SFMBT2: variants seen among roughly 807,000 people sequenced by gnomAD.
SFMBT2 encodes Scm like with four mbt domains 2, also known as scm-like with four MBT domains protein 2.
A neutral mutation model predicts 110.1 loss-of-function variants in SFMBT2; 38 were observed. The ratio of observed to expected loss-of-function variants is 0.35; its 90% CI spans 0.27 to 0.45. The LOEUF is 0.45. SFMBT2 is among the 20% of genes least tolerant of loss of function. The pLI, the probability that SFMBT2 is intolerant of heterozygous loss-of-function variation, is 1.00. For synonymous variants in SFMBT2, 425 were observed against 425.4 expected, an observed-to-expected ratio of 1.00 and a Z score of 0.01; for missense variants, 1,011 against 1,094.9, an observed-to-expected ratio of 0.92 and a Z score of 1.08.
chr10:7,394,323 C>CA (rs1408875401), intron 1 of SFMBT2, among the ~76,000 whole-genome samples: 1 of 151,868 alleles, frequency 6.6e-6, no homozygotes, highest in South Asian at 2.1e-4. Flanking sequence ...CGTCGATGCC[C>CA]ACCCCTAAAA....
At chr10:7,209,857 A>G (rs1829627269) in intron 11 of SFMBT2, among the ~76,000 whole-genome samples, 1 of 152,212 alleles carries the variant, frequency 6.6e-6, no homozygotes, top group Non-Finnish European at 1.5e-5. Flanking sequence ...TTTGCAACCA[A>G]GGCCTCCACA....
At chr10:7,380,707 T>C (rs1845395265) in intron 2 of SFMBT2, among the ~76,000 whole-genome samples, 1 of 152,134 alleles carries the variant, frequency 6.6e-6, no homozygotes, top group South Asian at 2.1e-4. Context: ...TGTAAGTATT[T>C]AGAAAAAGAT....
At chr10:7,222,105 T>C (rs1187619601) in intron 10 of SFMBT2, among the ~76,000 whole-genome samples, 1 of 152,276 alleles carries the variant, frequency 6.6e-6, no homozygotes, top group Non-Finnish European at 1.5e-5. Context: ...ACTCAATATC[T>C]GTAGCCTTTC....
intron 4 of SFMBT2, among the ~76,000 whole-genome samples, chr10:7,308,206 T>A (rs981867361): frequency 1.3e-5 from 2 of 151,924 alleles, no homozygotes; most frequent in Non-Finnish European, 2.9e-5. Context: ...ACATTTTTTT[T>A]AAATTAGCCA....
intron 2 of SFMBT2, 86 bp downstream of exon 2, chr10:7,381,713 G>C: frequency 7.2e-7 from 1 of 1,388,212 alleles, no homozygotes; most frequent in Non-Finnish European, 1.0e-6. Context: ...ATCTACAAAT[G>C]TTGCCCCATT....
At chr10:7,411,180 A>G (rs1177197100), upstream of SFMBT2, among the ~76,000 whole-genome samples, 1 of 146,084 alleles carries the variant, frequency 6.8e-6, no homozygotes, top group Admixed American at 6.9e-5. Context: ...AAATTTCTTA[A>G]GCCAATTAGC....
intron 7 of SFMBT2, among the ~76,000 whole-genome samples, chr10:7,275,767 G>A (rs527631537): frequency 6.6e-6 from 1 of 152,152 alleles, no homozygotes; most frequent in Non-Finnish European, 1.5e-5. Context: ...TGAATGAAAG[G>A]GTCAATGATT....
chr10:7,214,588 C>T (rs912272378), intron 11 of SFMBT2: 1 of 985,364 alleles, frequency 1.0e-6, no homozygotes, highest in Non-Finnish European at 1.2e-6. Context: ...CCATACTGCT[C>T]CTCAAACACA....
Position 7,290,131 on chromosome 10 carries a change from C to T in SFMBT2, c.437-4177G>A, listed in dbSNP as rs553362547. ...ACTACGGCATCAAAGATGAACGCTA[C>T]GACAGGAAAGAAATGATCAGGGAGA... On this transcript the variant is annotated intron_variant, in intron 4 of 20. Coordinates refer to ENST00000397167, the MANE Select transcript of SFMBT2 (RefSeq NM_001387889.1). 5.9e-5 allele frequency among the ~76,000 whole-genome samples: 9 copies of T among 152,014 alleles called. No individual in the cohort carries two copies. In the South Asian group the frequency reaches 1.7e-3, roughly 28 times the overall value.
chr10:7,328,844 A>C (rs937377644), intron 4 of SFMBT2, among the ~76,000 whole-genome samples: 20 of 152,248 alleles, frequency 1.3e-4, no homozygotes, highest in African/African-American at 4.8e-4. Flanking sequence ...GTGACTAAGA[A>C]AAGCTTAAAC....
At chr10:7,228,706 T>TCTTTCTTTCTTTCTTTCTTTCTTTCTTTC (rs1839982720) in intron 9 of SFMBT2, among the ~76,000 whole-genome samples, 1 of 134,964 alleles carries the variant, frequency 7.4e-6, no homozygotes, top group African/African-American at 2.8e-5. Context: ...TTTCTTTCTT[T>TCTTTCTTTCTTTCTTTCTTTCTTTCTTTC]CTTTCTTTCT....
In SFMBT2 at chr10:7,293,575, T is replaced by C. The variant is rs994514298; in HGVS notation, c.437-7621A>G. ...TGCAAATACCAAGGGCAAGCTCCAC[T>C]GGCCCTCATAGTCGTTAAGATCATT... On this transcript the variant is annotated intron_variant, in intron 4 of 20. Coordinates refer to ENST00000397167, the MANE Select transcript of SFMBT2 (RefSeq NM_001387889.1). The surrounding 1 kb of genome is among the most constrained non-coding windows in gnomAD (Gnocchi z 4.6). Among the ~76,000 whole-genome samples, 3 of 152,198 alleles carry C rather than the reference T, an allele frequency of 2.0e-5. No individual in the cohort carries two copies. Among genetic ancestry groups the C allele is most frequent in the African/African-American group, 4.8e-5 (2 of 41,454 alleles).
At chr10:7,203,722 T>C in intron 12 of SFMBT2, 1 of 974,916 alleles carries the variant, frequency 1.0e-6, no homozygotes, top group South Asian at 4.8e-5. Context: ...TGCAGCTTTT[T>C]TTTTGTGAGA....
chr10:7,347,687 A>C (rs1320129973), intron 4 of SFMBT2, among the ~76,000 whole-genome samples: 1 of 152,208 alleles, frequency 6.6e-6, no homozygotes, highest in East Asian at 1.9e-4. Flanking sequence ...CAGAAAGAGG[A>C]GATAAATTGG....
At chr10:7,402,112 TA>T (rs76629935) in intron 1 of SFMBT2, among the ~76,000 whole-genome samples, 4,592 of 125,152 alleles carry the variant, frequency 0.037, 79 homozygotes, top group Non-Finnish European at 0.05. Context: ...TATTTAACAT[TA>T]AAAAAAAAAA....
chr10:7,369,798 C>T (rs910455902), intron 3 of SFMBT2, among the ~76,000 whole-genome samples: 1 of 152,154 alleles, frequency 6.6e-6, no homozygotes, highest in Non-Finnish European at 1.5e-5. Flanking sequence ...TGTAGCTATC[C>T]AGGGAAACCA....
At chr10:7,203,212 T>A in intron 12 of SFMBT2, 1 of 759,388 alleles carries the variant, frequency 1.3e-6, no homozygotes, top group Non-Finnish European at 1.6e-6. Flanking sequence ...GTCTGGCAGG[T>A]TTGGAGTTGG....
chr10:7,272,815 C>CA lies in SFMBT2; in HGVS notation c.870+4076dup, dbSNP rs567269067. Among the ~76,000 whole-genome samples, 320 of 152,298 alleles carry CA rather than the reference C, an allele frequency of 2.1e-3. 5 individuals are homozygous for CA. The highest frequency in any genetic ancestry group is 7.5e-3 in the African/African-American group (311 of 41,576). ...CCTACCCTCTTTCATTTTTTTGAGA[C>CA]AGAGTCTTGCTCTGCCGCCCAGACT... On this transcript the variant is annotated intron_variant, in intron 7 of 20. Transcript: ENST00000397167.
chr10:7,286,562 CTT>C (rs146187612), intron 4 of SFMBT2: 11,219 of 154,988 alleles, frequency 0.072, 542 homozygotes, highest in Non-Finnish European at 0.11. Flanking sequence ...AACATGTACA[CTT>C]TTTTTTCTTA....
Sources: allele counts gnomAD v4.1 joint callset (sites outside exome capture counted in the v4.1 genomes callset), GRCh38; gene constraint gnomAD v4.1.1; non-coding constraint Gnocchi (gnomAD v3.1); transcripts MANE v1.5; gene names NCBI Gene and HGNC (gene_info 2026-07-23, HGNC 2026-07-21).